The following BRAF variants were observed in gnomAD, a reference collection of about 807,000 sequenced individuals.
The protein encoded by BRAF is B-Raf proto-oncogene, serine/threonine kinase, also known as serine/threonine-protein kinase B-raf.
BRAF carries 16 observed loss-of-function variants against 104.6 expected under a neutral mutation model. The ratio of observed to expected loss-of-function variants is 0.15; its 90% CI spans 0.10 to 0.23. The LOEUF (loss-of-function observed/expected upper bound fraction) is 0.23. Ranked by LOEUF, BRAF falls within the 10% of genes least tolerant of loss-of-function variation. BRAF has a pLI of 1.00. For synonymous variants in BRAF, 310 were observed against 341.6 expected (o/e 0.91, Z 1.02); for missense variants, 541 against 937.3 (o/e 0.58, Z 5.52).
intron 19 of BRAF, among the ~76,000 whole-genome samples, chr7:140,728,929 A>G (rs1330370266): frequency 6.6e-6 from 1 of 152,104 alleles, no homozygotes. Context: ...AATACTTAAA[A>G]AAATCTTCAG....
chr7:140,728,136 C>G (rs962176409), intron 19 of BRAF, among the ~76,000 whole-genome samples: 2 of 152,148 alleles, frequency 1.3e-5, no homozygotes, highest in African/African-American at 4.8e-5. Flanking sequence ...TAGTGACTGA[C>G]TGAGTGCCTG....
intron 1 of BRAF, among the ~76,000 whole-genome samples, chr7:140,905,761 G>C (rs557624917): frequency 6.6e-6 from 1 of 152,264 alleles, no homozygotes; most frequent in South Asian, 2.1e-4. Context: ...GAAGTTAAAA[G>C]TCTGGTTTCT....
chr7:140,797,315 A>AT (rs905568762), intron 7 of BRAF, among the ~76,000 whole-genome samples: 2 of 152,188 alleles, frequency 1.3e-5, no homozygotes, highest in African/African-American at 4.8e-5. Flanking sequence ...ATTCTACAGC[A>AT]TTTTTAAAAA....
In BRAF at chr7:140,916,430, T is replaced by C. The variant is rs78386599; in HGVS notation, c.138+8136A>G. Among the ~76,000 whole-genome samples the C allele has an allele frequency of 3.7e-4, 56 of 152,304 alleles. No individual in the cohort carries two copies. The East Asian group carries it at 0.01, about 28-fold the overall frequency. ...CTCTGAAATATCACAGAACATGACA[T>C]AGGTTTCAAATGGAAGAACTCTTCT... is the stretch of plus-strand genomic sequence containing the variant. On this transcript the variant is annotated intron_variant, in intron 1 of 19. Coordinates refer to ENST00000644969, the MANE Select transcript of BRAF (RefSeq NM_001374258.1).
At chr7:140,822,441 C>G (rs1446009461) in intron 3 of BRAF, 1 of 152,250 alleles carries the variant, frequency 6.6e-6, no homozygotes, top group African/African-American at 2.4e-5. Flanking sequence ...AATCTTCCAT[C>G]CTGCCATAGT....
At chr7:140,832,676 A>G (rs984648295) in intron 3 of BRAF, among the ~76,000 whole-genome samples, 4 of 152,206 alleles carry the variant, frequency 2.6e-5, no homozygotes, top group Admixed American at 2.6e-4. Context: ...GACAAGAACA[A>G]GTTACTTATT....
At chr7:140,778,821 T>C (rs1800571752) in intron 12 of BRAF, among the ~76,000 whole-genome samples, 1 of 152,174 alleles carries the variant, frequency 6.6e-6, no homozygotes, top group Non-Finnish European at 1.5e-5. Flanking sequence ...TTTGTAACAT[T>C]GTTGGCAGCA....
At chr7:140,917,371 GACTTTTATATGACTCC>G (rs1817738832) in intron 1 of BRAF, among the ~76,000 whole-genome samples, 1 of 152,120 alleles carries the variant, frequency 6.6e-6, no homozygotes, top group Non-Finnish European at 1.5e-5. Flanking sequence ...CCACTGATAT[GACTTTTATATGACTCC>G]ATTTATATGA....
At chr7:140,868,699 CT>C in intron 1 of BRAF, among the ~76,000 whole-genome samples, 1 of 152,088 alleles carries the variant, frequency 6.6e-6, no homozygotes, top group East Asian at 1.9e-4. Context: ...GCACTGTACA[CT>C]TTAAATGAGT....
rs1816972381 is a variant in BRAF, at chr7:140,911,493, A to G, written c.138+13073T>C. On this transcript the variant is annotated intron_variant, in intron 1 of 19. Transcript: ENST00000644969. ...TGAGTAAAACAAGGTAAACTCTGGGATTCTACAAAAGCACAAAGCAGAGGC... is the reference window on the plus strand; with the variant it reads ...TGAGTAAAACAAGGTAAACTCTGGGGTTCTACAAAAGCACAAAGCAGAGGC... 2.0e-5 allele frequency among the ~76,000 whole-genome samples: 3 copies of G among 152,228 alleles called. No homozygotes were observed. In the South Asian group the frequency reaches 6.2e-4, roughly 32 times the overall value.
intron 8 of BRAF, among the ~76,000 whole-genome samples, chr7:140,792,777 T>C (rs1802114098): frequency 6.6e-6 from 1 of 152,222 alleles, no homozygotes; most frequent in Non-Finnish European, 1.5e-5. Flanking sequence ...CCTAACACAA[T>C]GCATAGCCCA....
intron 1 of BRAF, among the ~76,000 whole-genome samples, chr7:140,915,049 CAAAA>C (rs567503566): frequency 1.6e-4 from 10 of 61,838 alleles, no homozygotes; most frequent in Non-Finnish European, 3.1e-4. Flanking sequence ...ACTCCGTCTC[CAAAA>C]AAAAAAAAAA....
intron 17 of BRAF, among the ~76,000 whole-genome samples, chr7:140,748,722 G>A (rs897363363): frequency 2.6e-5 from 4 of 152,126 alleles, no homozygotes; most frequent in African/African-American, 9.7e-5. Context: ...AGAGCTCCAT[G>A]AGGCTATGTT....
intron 1 of BRAF, among the ~76,000 whole-genome samples, chr7:140,921,719 T>G (rs1818246086): frequency 6.6e-6 from 1 of 152,070 alleles, no homozygotes; most frequent in Non-Finnish European, 1.5e-5. Flanking sequence ...CTTATAGTTT[T>G]CTAATTTTTG....
At chr7:140,827,918 T>A (rs184419244) in intron 3 of BRAF, among the ~76,000 whole-genome samples, 1 of 152,184 alleles carries the variant, frequency 6.6e-6, no homozygotes, top group Non-Finnish European at 1.5e-5. Flanking sequence ...TTTTTTGAGA[T>A]GGAGTTTTGC....
At chr7:140,870,965 C>T (rs183111420) in intron 1 of BRAF, among the ~76,000 whole-genome samples, 33 of 151,890 alleles carry the variant, frequency 2.2e-4, no homozygotes, top group African/African-American at 7.0e-4. Context: ...CGGTGGCTCA[C>T]GCCCGTAATC....
At chr7:140,860,214 A>G (rs1353910723) in intron 1 of BRAF, among the ~76,000 whole-genome samples, 7 of 152,182 alleles carry the variant, frequency 4.6e-5, no homozygotes, top group Non-Finnish European at 7.4e-5. Context: ...AGTGGGGAAC[A>G]GAACGGACTA....
intron 16 of BRAF, among the ~76,000 whole-genome samples, 182 bp from the exon 16 acceptor site, chr7:140,749,600 CAGAA>C (rs1281717788): frequency 1.3e-5 from 2 of 152,138 alleles, no homozygotes; most frequent in African/African-American, 2.4e-5. Flanking sequence ...TCTACATACT[CAGAA>C]AGAGACAGTA....
intron 16 of BRAF, among the ~76,000 whole-genome samples, chr7:140,749,623 G>A (rs905611173): frequency 8.5e-5 from 13 of 152,164 alleles, no homozygotes; most frequent in African/African-American, 3.1e-4. Flanking sequence ...TATTAGCAGA[G>A]ATTTTGTATT....
Sources: gnomAD v4.1 joint callset for allele counts (sites outside exome capture counted in the v4.1 genomes callset) on GRCh38, gnomAD v4.1.1 for gene constraint, MANE v1.5 for transcripts, NCBI Gene and HGNC (gene_info 2026-07-23, HGNC 2026-07-21) for gene names.